The following LMNTD1 variants were observed in gnomAD, a reference collection of about 807,000 sequenced individuals.
The protein encoded by LMNTD1 is lamin tail domain containing 1, also known as lamin tail domain-containing protein 1.
Under a neutral mutation model 50.9 loss-of-function variants are expected in LMNTD1, and 35 were observed. That is an observed-to-expected ratio of 0.69 (90% CI 0.53 to 0.91). The LOEUF (loss-of-function observed/expected upper bound fraction) is 0.91. Ranked by LOEUF, LMNTD1 falls within the 40% of genes least tolerant of loss-of-function variation. LMNTD1 has a pLI of 0.00. For missense variants in LMNTD1, 470 were observed against 475.5 expected, an observed-to-expected ratio of 0.99 and a Z score of 0.11; for synonymous variants, 153 against 161.9, an observed-to-expected ratio of 0.94 and a Z score of 0.42.
chr12:25,538,522 C>G (rs1430050109), intron 4 of LMNTD1, among the ~76,000 whole-genome samples: 1 of 140,106 alleles, frequency 7.1e-6, no homozygotes, highest in Non-Finnish European at 1.6e-5. Context: ...CAAGCAAATG[C>G]TGAGAGATTT....
intron 8 of LMNTD1, among the ~76,000 whole-genome samples, chr12:25,508,021 T>G (rs1238740458): frequency 6.6e-6 from 1 of 152,064 alleles, no homozygotes; most frequent in Non-Finnish European, 1.5e-5. Context: ...GTGTTTTTTT[T>G]TTTAGATTTT....
At chr12:25,619,860 G>A (rs278993) in intron 1 of LMNTD1, among the ~76,000 whole-genome samples, 134,394 of 152,212 alleles carry the variant, frequency 0.88, 59,865 homozygotes, top group Middle Eastern at 0.97. Context: ...AGATTTGCCA[G>A]TTGTTCCTTT....
intron 8 of LMNTD1, among the ~76,000 whole-genome samples, chr12:25,514,447 A>T (rs1399079460): frequency 1.3e-5 from 2 of 152,186 alleles, no homozygotes; most frequent in Non-Finnish European, 2.9e-5. Context: ...GTAGGATCTA[A>T]AAAGTAAAAC....
intron 9 of LMNTD1, among the ~76,000 whole-genome samples, chr12:25,496,774 T>C (rs1939088015): frequency 6.6e-6 from 1 of 152,168 alleles, no homozygotes; most frequent in Admixed American, 6.5e-5. Context: ...ATTAAGTACA[T>C]TCACAATGTT....
At chr12:25,619,966 TC>T (rs1444550029) in intron 1 of LMNTD1, among the ~76,000 whole-genome samples, 8 of 152,260 alleles carry the variant, frequency 5.3e-5, no homozygotes, top group African/African-American at 1.9e-4. Context: ...TTCAAGGGAA[TC>T]CTTTGAACTT....
At chr12:25,521,023 A>C (rs1204612277) in intron 6 of LMNTD1, among the ~76,000 whole-genome samples, 1 of 152,150 alleles carries the variant, frequency 6.6e-6, no homozygotes, top group Non-Finnish European at 1.5e-5. Flanking sequence ...AGAAATGTCT[A>C]TTCAGGTCTT....
At chr12:25,590,122 C>T (rs922064165) in intron 1 of LMNTD1, among the ~76,000 whole-genome samples, 2 of 143,952 alleles carry the variant, frequency 1.4e-5, no homozygotes, top group African/African-American at 4.9e-5. Flanking sequence ...ATACTTGGTT[C>T]TAACTTCATA....
chr12:25,489,120 G>C (rs1290830777), intron 9 of LMNTD1, among the ~76,000 whole-genome samples: 1 of 152,014 alleles, frequency 6.6e-6, no homozygotes, highest in Non-Finnish European at 1.5e-5. Context: ...AGCCTACAGT[G>C]GCAGGCAGGC....
intron 8 of LMNTD1, among the ~76,000 whole-genome samples, chr12:25,512,854 T>A (rs1239378883): frequency 1.2e-5 from 1 of 82,176 alleles, no homozygotes; most frequent in Non-Finnish European, 2.9e-5. Flanking sequence ...TACTCACAAT[T>A]TTTTTTTTAT....
intron 1 of LMNTD1, among the ~76,000 whole-genome samples, chr12:25,637,632 A>G (rs1946863268): frequency 6.8e-6 from 1 of 146,810 alleles, no homozygotes; most frequent in Non-Finnish European, 1.5e-5. Context: ...TAAGCACACC[A>G]ACTTCATTAA....
chr12:25,490,544 C>A (rs1938849860), intron 9 of LMNTD1, among the ~76,000 whole-genome samples: 1 of 152,150 alleles, frequency 6.6e-6, no homozygotes, highest in African/African-American at 2.4e-5. Context: ...CCTCATTTTA[C>A]AGAGGTGCGG....
intron 4 of LMNTD1, among the ~76,000 whole-genome samples, chr12:25,545,698 C>T (rs1050693426): frequency 2.0e-5 from 3 of 151,534 alleles, no homozygotes; most frequent in South Asian, 4.1e-4. Flanking sequence ...TAGGTATTCT[C>T]CACTGTTAAA....
chr12:25,613,458 A>G (rs1177168486), intron 1 of LMNTD1, among the ~76,000 whole-genome samples: 1 of 152,220 alleles, frequency 6.6e-6, no homozygotes, highest in Non-Finnish European at 1.5e-5. Flanking sequence ...TGCAGTTGTT[A>G]TGAGCATTAT....
chr12:25,545,916 CTT>C (rs1370563607), intron 4 of LMNTD1, among the ~76,000 whole-genome samples: 2 of 151,552 alleles, frequency 1.3e-5, no homozygotes, highest in Admixed American at 6.6e-5. Context: ...GATCATAACT[CTT>C]TTATTTTAGT....
chr12:25,519,711 G>T (rs1245458263), intron 7 of LMNTD1, 147 bp downstream of exon 7: 5 of 584,860 alleles, frequency 8.5e-6, no homozygotes, highest in African/African-American at 3.8e-5. Flanking sequence ...CTTTTCCTAT[G>T]AGTTCTATTC....
In LMNTD1 at chr12:25,502,944, A is replaced by G. The variant is rs188528106; in HGVS notation, c.*22+794T>C. On this transcript the variant is annotated intron_variant, in intron 9 of 9. Transcript: ENST00000458174. Reference sequence around the variant, plus strand: ...CCAGTAGGCTGTATGGAGTAGTAAAATTAAGTCATTTCTACCAGGAGAGTC... The same window carrying G: ...CCAGTAGGCTGTATGGAGTAGTAAAGTTAAGTCATTTCTACCAGGAGAGTC... The G allele has an allele frequency of 3.6e-3, 545 of 152,374 alleles. 5 individuals are homozygous for G. The highest frequency in any genetic ancestry group is 0.012 in the African/African-American group (499 of 41,576). The allele number at this position is 152,374 out of a possible 1,614,324, so 9.4% of individuals were successfully genotyped here.
chr12:25,608,236 G>A (rs1946160899), intron 1 of LMNTD1, among the ~76,000 whole-genome samples: 1 of 152,190 alleles, frequency 6.6e-6, no homozygotes, highest in Non-Finnish European at 1.5e-5. Flanking sequence ...CTCTGCACGT[G>A]AGATGGGTCT....
rs944748501 is a variant in LMNTD1, at chr12:25,615,697, G to A, written c.58+32797C>T. Among the ~76,000 whole-genome samples, 6 of 152,252 alleles carry A rather than the reference G, an allele frequency of 3.9e-5. No homozygotes were observed. The East Asian group carries it at 5.8e-4, about 15-fold the overall frequency. ...GCTGGTCTCAAACTTCTGAGTTCAA[G>A]CGATCTGCCTGCCTTGGCCTCCTAA... On this transcript the variant is annotated intron_variant, in intron 1 of 7. Transcript: ENST00000445693.
chr12:25,519,456 T>TGGTGGC (rs1941089757), intron 7 of LMNTD1, among the ~76,000 whole-genome samples: 1 of 151,204 alleles, frequency 6.6e-6, no homozygotes, highest in Non-Finnish European at 1.5e-5. Flanking sequence ...GGCGTGGTGG[T>TGGTGGC]GGGCGCCTGT....
Sources: gnomAD v4.1 joint callset for allele counts (sites outside exome capture counted in the v4.1 genomes callset) on GRCh38, gnomAD v4.1.1 for gene constraint, MANE v1.5 for transcripts, NCBI Gene and HGNC (gene_info 2026-07-23, HGNC 2026-07-21) for gene names.